TRPM3: variants seen among roughly 807,000 people sequenced by gnomAD.
The protein encoded by TRPM3 is long transient receptor potential channel 3.
A neutral mutation model predicts 181.2 loss-of-function variants in TRPM3; 77 were observed. The ratio of observed to expected loss-of-function variants is 0.42; its 90% CI spans 0.35 to 0.51. The LOEUF (loss-of-function observed/expected upper bound fraction) is 0.51. Among genes scored for constraint, TRPM3 ranks in the 20% least tolerant of loss-of-function variants. The pLI, the probability that TRPM3 is intolerant of heterozygous loss-of-function variation, is 0.01. For synonymous variants in TRPM3, 745 were observed against 796.4 expected (o/e 0.94, Z 1.09); for missense variants, 1,759 against 2,196.7 (o/e 0.80, Z 3.98).
intron 5 of TRPM3, among the ~76,000 whole-genome samples, chr9:70,829,169 AGAATT>A (rs1287679419): frequency 2.0e-5 from 3 of 152,236 alleles, no homozygotes; most frequent in African/African-American, 7.2e-5. Context: ...CATTAATTAT[AGAATT>A]GAGATGCTCT....
At chr9:70,604,954 A>C (rs931841063) in intron 19 of TRPM3, among the ~76,000 whole-genome samples, 10 of 39,564 alleles carry the variant, frequency 2.5e-4, no homozygotes, top group African/African-American at 1.0e-3. Context: ...GCTCAGCTGA[A>C]TGGATTCTTC....
At chr9:71,095,305 G>T (rs2066948391) in intron 1 of TRPM3, among the ~76,000 whole-genome samples, 1 of 152,136 alleles carries the variant, frequency 6.6e-6, no homozygotes, top group Admixed American at 6.6e-5. Flanking sequence ...TATAAAAGAT[G>T]AAACCATTTT....
At position 70,768,371 on chromosome 9, in the gene TRPM3, T is replaced by C. The variant is rs539922779; in HGVS notation, c.1149-6647A>G. Among the ~76,000 whole-genome samples, 43 of 152,310 alleles carry C rather than the reference T, an allele frequency of 2.8e-4. No homozygotes were observed. In the South Asian group the frequency reaches 6.8e-3, roughly 24 times the overall value. The stretch of plus-strand genomic sequence containing the variant: ...TGGTGCCTGGCCAGAGACTTTTTTT[T>C]CCATGGATACTATCATCACATTTTG... On this transcript the variant is annotated intron_variant, in intron 7 of 25. Transcript: ENST00000677713.
intron 7 of TRPM3, among the ~76,000 whole-genome samples, chr9:70,767,005 C>T (rs1475658722): frequency 6.6e-6 from 1 of 152,214 alleles, no homozygotes. Flanking sequence ...CATAGCAAGT[C>T]CTGCACAAGC....
chr9:71,344,366 G>T (rs1169055062), intron 1 of TRPM3, among the ~76,000 whole-genome samples: 1 of 151,916 alleles, frequency 6.6e-6, no homozygotes, highest in Non-Finnish European at 1.5e-5. Context: ...CAGGAGAATT[G>T]CTTGAACCCA....
chr9:71,165,820 G>A (rs1189235458), intron 1 of TRPM3, among the ~76,000 whole-genome samples: 1 of 152,194 alleles, frequency 6.6e-6, no homozygotes. Context: ...CTAAGCCAGA[G>A]TTGAGCATGG....
intron 5 of TRPM3, among the ~76,000 whole-genome samples, chr9:70,841,383 G>A (rs1466819949): frequency 1.3e-5 from 2 of 151,784 alleles, no homozygotes; most frequent in African/African-American, 4.8e-5. Context: ...CTTATCCTAT[G>A]TATCCTGGAT....
At chr9:71,360,664 G>A (rs2092103754) in intron 1 of TRPM3, among the ~76,000 whole-genome samples, 1 of 152,126 alleles carries the variant, frequency 6.6e-6, no homozygotes, top group Non-Finnish European at 1.5e-5. Context: ...AGCTCTTAGA[G>A]GCAGTCTCTG....
intron 1 of TRPM3, among the ~76,000 whole-genome samples, chr9:71,214,729 C>G (rs906098691): frequency 6.6e-6 from 1 of 152,108 alleles, no homozygotes; most frequent in African/African-American, 2.4e-5. Flanking sequence ...ACCCTGCATT[C>G]CAACCACATG....
At chr9:71,013,739 A>G (rs1447970068) in intron 1 of TRPM3, among the ~76,000 whole-genome samples, 1 of 151,958 alleles carries the variant, frequency 6.6e-6, no homozygotes, top group African/African-American at 2.4e-5. Context: ...AATGATTTTT[A>G]AATTTTCATT....
chr9:71,110,774 T>G (rs1282667942), intron 1 of TRPM3, among the ~76,000 whole-genome samples: 1 of 152,234 alleles, frequency 6.6e-6, no homozygotes, highest in Non-Finnish European at 1.5e-5. Flanking sequence ...CGTTTGATCA[T>G]GCTGAAATTA....
chr9:70,923,181 C>T (rs1192028290), intron 1 of TRPM3, among the ~76,000 whole-genome samples: 3 of 152,054 alleles, frequency 2.0e-5, no homozygotes, highest in African/African-American at 7.2e-5. Context: ...ACAAAAAAAG[C>T]CTAAAAAACC....
intron 1 of TRPM3, among the ~76,000 whole-genome samples, chr9:71,387,127 G>T (rs2092943324): frequency 6.6e-6 from 1 of 152,104 alleles, no homozygotes; most frequent in African/African-American, 2.4e-5. Context: ...AGGTTAGAAG[G>T]AATAAATTAG....
At chr9:71,392,078 G>A (rs752831954) in intron 1 of TRPM3, among the ~76,000 whole-genome samples, 9 of 152,056 alleles carry the variant, frequency 5.9e-5, no homozygotes, top group Non-Finnish European at 1.2e-4. Context: ...ACAAGAGCCT[G>A]AGCAGAAACT....
At chr9:71,032,040 A>C (rs1590818116) in intron 1 of TRPM3, among the ~76,000 whole-genome samples, 1 of 8,038 alleles carries the variant, frequency 1.2e-4, no homozygotes, top group Non-Finnish European at 1.7e-4. Context: ...ATAAATATAT[A>C]TATATATATT....
chr9:70,925,100 G>T (rs774330688), intron 1 of TRPM3, among the ~76,000 whole-genome samples: 1 of 152,086 alleles, frequency 6.6e-6, no homozygotes, highest in African/African-American at 2.4e-5. Context: ...TCCAGTACTT[G>T]GCTAACATGT....
chr9:71,160,547 T>C (rs996610034), intron 1 of TRPM3, among the ~76,000 whole-genome samples: 2 of 152,156 alleles, frequency 1.3e-5, no homozygotes, highest in Non-Finnish European at 2.9e-5. Context: ...CTAATCTCAA[T>C]GTTTTTGCTC....
At chr9:70,698,393 C>A (rs995078483) in intron 8 of TRPM3, among the ~76,000 whole-genome samples, 4 of 152,088 alleles carry the variant, frequency 2.6e-5, no homozygotes, top group African/African-American at 9.7e-5. Flanking sequence ...CTCTAAACTT[C>A]AAGTTCCTTA....
rs141190153 is a variant in TRPM3 at position 70,620,204 on chromosome 9, G to A, written c.2001C>T (p.Phe667=). ...LMKRQKMALF[F]WQHGEEAMAK... ...CCATGGCCTCCTCACCGTGCTGCCA[G>A]AAGAACAGGGCCATCTTCTGCCGCT... The change falls in exon 16 of 26, where the codon TTC becomes TTT. Residue 667 remains phenylalanine (F), a synonymous_variant. Transcript: ENST00000677713. The A allele has an allele frequency of 1.9e-5, 30 of 1,614,126 alleles. No homozygotes were observed. In the African/African-American group the frequency reaches 3.9e-4, roughly 21 times the overall value.
Sources: gnomAD v4.1 joint callset for allele counts (sites outside exome capture counted in the v4.1 genomes callset) on GRCh38, gnomAD v4.1.1 for gene constraint, MANE v1.5 for transcripts, NCBI Gene and HGNC (gene_info 2026-07-23, HGNC 2026-07-21) for gene names.